The following LINGO2 variants were observed in gnomAD, a reference collection of about 807,000 sequenced individuals.
LINGO2 encodes the protein leucine rich repeat and Ig domain containing 2.
In LINGO2, 14 loss-of-function variants were observed where a neutral mutation model predicts 30.6. The ratio of observed to expected loss-of-function variants is 0.46; its 90% CI spans 0.30 to 0.72. LINGO2 has a LOEUF of 0.72. Ranked by LOEUF, LINGO2 falls within the 30% of genes least tolerant of loss-of-function variation. The probability of loss-of-function intolerance (pLI) is 0.07; values close to 1 mark genes in which losing one functional copy is unlikely to be tolerated. For missense variants in LINGO2, 729 were observed against 751.7 expected (o/e 0.97, Z 0.35); for synonymous variants, 317 against 288.5 (o/e 1.10, Z -1.00).
intron 4 of LINGO2, among the ~76,000 whole-genome samples, chr9:28,084,184 T>C (rs776973321): frequency 1.4e-4 from 22 of 152,178 alleles, no homozygotes; most frequent in Non-Finnish European, 2.9e-4. Context: ...GAATTTGTTA[T>C]AGTCTAGTTT....
chr9:28,193,192 A>AC (rs758429924), intron 4 of LINGO2, among the ~76,000 whole-genome samples: 2 of 152,096 alleles, frequency 1.3e-5, no homozygotes, highest in Non-Finnish European at 1.5e-5. Context: ...TAGGAGTTCA[A>AC]CCCCAATGCT....
chr9:29,022,310 T>A, the LINGO2 span, among the ~76,000 whole-genome samples: 2 of 152,196 alleles, frequency 1.3e-5, no homozygotes, highest in African/African-American at 2.4e-5. Context: ...GGGAAAGTGT[T>A]TCTTCTCTCT....
intron 2 of LINGO2, among the ~76,000 whole-genome samples, chr9:28,457,329 A>G (rs1824890519): frequency 6.6e-6 from 1 of 152,216 alleles, no homozygotes; most frequent in African/African-American, 2.4e-5. Flanking sequence ...CAAAGCACAC[A>G]GTGAAGGCTT....
chr9:28,077,508 T>C (rs1404845999), intron 4 of LINGO2, among the ~76,000 whole-genome samples: 1 of 152,196 alleles, frequency 6.6e-6, no homozygotes, highest in East Asian at 1.9e-4. Context: ...AAAACTATTA[T>C]TAAGTCCATC....
intron 4 of LINGO2, among the ~76,000 whole-genome samples, chr9:28,200,745 A>G (rs1034342811): frequency 3.9e-5 from 6 of 152,192 alleles, no homozygotes; most frequent in Admixed American, 3.9e-4. Context: ...CCAGTCATCT[A>G]TGTCTTACCA....
exon 6 of LINGO2, chr9:27,949,809 A>G: frequency 1.4e-5 from 22 of 1,614,148 alleles, no homozygotes; most frequent in Non-Finnish European, 1.8e-5. Flanking sequence ...GCCTGCTTCA[A>G]TAGTGCTGAT....
the LINGO2 span, among the ~76,000 whole-genome samples, chr9:28,842,051 A>G: frequency 2.6e-5 from 4 of 151,806 alleles, no homozygotes; most frequent in East Asian, 1.9e-4. Context: ...GGCACTCCCT[A>G]TGTGGACATA....
chr9:29,024,260 A>C, the LINGO2 span, among the ~76,000 whole-genome samples: 1 of 152,128 alleles, frequency 6.6e-6, no homozygotes, highest in Non-Finnish European at 1.5e-5. Flanking sequence ...TCCTTAGAAC[A>C]CTTTAATATA....
chr9:28,242,244 T>C (rs1430079707), intron 4 of LINGO2, among the ~76,000 whole-genome samples: 1 of 151,854 alleles, frequency 6.6e-6, no homozygotes, highest in African/African-American at 2.4e-5. Flanking sequence ...TTAGAGGAGG[T>C]GGTAACTAGA....
chr9:28,956,149 T>C, the LINGO2 span, among the ~76,000 whole-genome samples: 2 of 152,106 alleles, frequency 1.3e-5, no homozygotes, highest in Non-Finnish European at 2.9e-5. Flanking sequence ...AGATTAGGTT[T>C]CATATCAGTC....
At chr9:28,002,643 A>T (rs1255788814) in intron 5 of LINGO2, among the ~76,000 whole-genome samples, 1 of 152,130 alleles carries the variant, frequency 6.6e-6, no homozygotes, top group Non-Finnish European at 1.5e-5. Flanking sequence ...GAGACCCTTA[A>T]ACAAAGCCAA....
chr9:28,518,383 T>C (rs1009057119), intron 1 of LINGO2, among the ~76,000 whole-genome samples: 1 of 152,170 alleles, frequency 6.6e-6, no homozygotes, highest in Non-Finnish European at 1.5e-5. Flanking sequence ...ATGTGTCACC[T>C]CCAATTAATC....
At chr9:29,012,573 T>C in the LINGO2 span, among the ~76,000 whole-genome samples, 1 of 152,194 alleles carries the variant, frequency 6.6e-6, no homozygotes, top group East Asian at 1.9e-4. Flanking sequence ...ACATTGGTAA[T>C]CAACTAAATG....
At chr9:28,157,892 A>G (rs974916405) in intron 4 of LINGO2, among the ~76,000 whole-genome samples, 6 of 152,168 alleles carry the variant, frequency 3.9e-5, no homozygotes, top group African/African-American at 1.4e-4. Context: ...CATTGTTGAT[A>G]TCAATATCAG....
chr9:29,068,285 T>C, the LINGO2 span, among the ~76,000 whole-genome samples: 1 of 151,756 alleles, frequency 6.6e-6, no homozygotes, highest in East Asian at 1.9e-4. Flanking sequence ...AGGATGCTAA[T>C]AGCTAATATA....
At chr9:28,597,996 C>G (rs1475863553) in intron 1 of LINGO2, among the ~76,000 whole-genome samples, 1 of 152,018 alleles carries the variant, frequency 6.6e-6, no homozygotes, top group African/African-American at 2.4e-5. Flanking sequence ...AACTCCAGGC[C>G]CCATGTGATC....
At chr9:28,276,559 C>T (rs1445721623) in intron 4 of LINGO2, among the ~76,000 whole-genome samples, 1 of 152,156 alleles carries the variant, frequency 6.6e-6, no homozygotes. Context: ...GTCTGTCTGC[C>T]ACCATACTCT....
chr9:28,405,498 C>T (rs1822467575), intron 2 of LINGO2, among the ~76,000 whole-genome samples: 1 of 152,124 alleles, frequency 6.6e-6, no homozygotes, highest in Admixed American at 6.6e-5. Context: ...TCACCAATTC[C>T]TTCATGTAGG....
the LINGO2 span, among the ~76,000 whole-genome samples, chr9:29,208,280 A>G: frequency 2.0e-4 from 31 of 151,948 alleles, no homozygotes; most frequent in Non-Finnish European, 3.4e-4. Flanking sequence ...CAGAAACCCA[A>G]CTGAGACTTT....
Sources: allele counts gnomAD v4.1 joint callset (sites outside exome capture counted in the v4.1 genomes callset), GRCh38; gene constraint gnomAD v4.1.1; transcripts MANE v1.5; gene names NCBI Gene and HGNC (gene_info 2026-07-23, HGNC 2026-07-21).